The following KLHL29 variants were observed in gnomAD, a reference collection of about 807,000 sequenced individuals.
The protein encoded by KLHL29 is kelch like family member 29.
Under a neutral mutation model 80.4 loss-of-function variants are expected in KLHL29, and 21 were observed. The ratio of observed to expected loss-of-function variants is 0.26; its 90% CI spans 0.19 to 0.38. The LOEUF (loss-of-function observed/expected upper bound fraction) is 0.38. KLHL29 is among the 10% of genes least tolerant of loss of function. The probability of loss-of-function intolerance (pLI) is 1.00; values close to 1 mark genes in which losing one functional copy is unlikely to be tolerated. For missense variants in KLHL29, 867 were observed against 1,223.9 expected (o/e 0.71, Z 4.35); for synonymous variants, 511 against 526.8 (o/e 0.97, Z 0.41).
chr2:23,464,719 C>G (rs1428949367), intron 1 of KLHL29, among the ~76,000 whole-genome samples: 1 of 152,140 alleles, frequency 6.6e-6, no homozygotes, highest in Non-Finnish European at 1.5e-5. Flanking sequence ...GTGGAGGGTT[C>G]TTGGCAGCAC....
At chr2:23,489,683 A>G (rs1665039129) in intron 2 of KLHL29, among the ~76,000 whole-genome samples, 2 of 151,898 alleles carry the variant, frequency 1.3e-5, no homozygotes, top group Admixed American at 1.3e-4. Flanking sequence ...CCCTTCCTGC[A>G]GGGACGGCAC....
chr2:23,424,787 C>G (rs1662961554), intron 1 of KLHL29, among the ~76,000 whole-genome samples: 1 of 152,232 alleles, frequency 6.6e-6, no homozygotes, highest in African/African-American at 2.4e-5. Context: ...TTATAAATCT[C>G]TCTCCGAATC....
At chr2:23,402,432 C>T (rs1479305282) in intron 1 of KLHL29, among the ~76,000 whole-genome samples, 3 of 152,256 alleles carry the variant, frequency 2.0e-5, no homozygotes, top group African/African-American at 7.2e-5. Context: ...AGGACACTAA[C>T]CTAGTGTGTG....
chr2:23,419,872 T>C (rs551839080), intron 1 of KLHL29, among the ~76,000 whole-genome samples: 46 of 152,260 alleles, frequency 3.0e-4, no homozygotes, highest in African/African-American at 1.1e-3. Flanking sequence ...CAGTCATTAC[T>C]CCAGGATTAG....
rs1672279958 is a variant in KLHL29, at chr2:23,700,225, G to A, written c.2106-2961G>A. Among the ~76,000 whole-genome samples, 1 of 152,100 alleles carries A rather than the reference G, an allele frequency of 6.6e-6. No homozygotes were observed. Among genetic ancestry groups the A allele is most frequent in the South Asian group, 2.1e-4 (1 of 4,814 alleles). On this transcript the variant is annotated intron_variant, in intron 11 of 13. Transcript: ENST00000486442. This position sits in a 1 kb window ranked among gnomAD's most constrained non-coding sequence, Gnocchi z 4.6. ...ACATTCCCCTTAAAAATTAAAACAAGACCTGTTTTCTGCTGGCTCGTGAGA... is the reference window on the plus strand; with the variant it reads ...ACATTCCCCTTAAAAATTAAAACAAAACCTGTTTTCTGCTGGCTCGTGAGA...
chr2:23,593,619 G>A (rs1668322381), intron 3 of KLHL29, among the ~76,000 whole-genome samples: 1 of 152,156 alleles, frequency 6.6e-6, no homozygotes, highest in South Asian at 2.1e-4. Flanking sequence ...ATGGAAGGAC[G>A]TCAGACCCCT....
At chr2:23,429,888 T>C (rs551022127) in intron 1 of KLHL29, among the ~76,000 whole-genome samples, 1 of 152,332 alleles carries the variant, frequency 6.6e-6, no homozygotes, top group Non-Finnish European at 1.5e-5. Flanking sequence ...ACTTTAAATT[T>C]ATATTTTTTC....
intron 1 of KLHL29, among the ~76,000 whole-genome samples, chr2:23,455,257 CT>C (rs1664016009): frequency 6.6e-6 from 1 of 152,114 alleles, no homozygotes; most frequent in Admixed American, 6.5e-5. Flanking sequence ...TAGTAAAGCT[CT>C]GTAAAAAGGT....
intron 1 of KLHL29, among the ~76,000 whole-genome samples, chr2:23,426,258 T>C (rs1663002292): frequency 6.6e-6 from 1 of 152,222 alleles, no homozygotes. Flanking sequence ...CAGGAACATT[T>C]ATTTGTATCT....
chr2:23,662,886 G>A (rs563574976), intron 5 of KLHL29, among the ~76,000 whole-genome samples: 3 of 152,284 alleles, frequency 2.0e-5, no homozygotes, highest in South Asian at 2.1e-4. Flanking sequence ...GTTGAAAGCC[G>A]TAAATGCAAG....
At chr2:23,454,506 G>T (rs1572330976) in intron 1 of KLHL29, among the ~76,000 whole-genome samples, 1 of 152,140 alleles carries the variant, frequency 6.6e-6, no homozygotes, top group African/African-American at 2.4e-5. Flanking sequence ...TCTATAAATT[G>T]TATAGTCTTG....
At chr2:23,473,819 C>T (rs918139684) in intron 1 of KLHL29, among the ~76,000 whole-genome samples, 1 of 152,166 alleles carries the variant, frequency 6.6e-6, no homozygotes, top group African/African-American at 2.4e-5. Flanking sequence ...TCTGGCCTCA[C>T]CTCTTACTAG....
At chr2:23,594,782 A>G (rs902086754) in intron 3 of KLHL29, among the ~76,000 whole-genome samples, 9 of 152,234 alleles carry the variant, frequency 5.9e-5, no homozygotes, top group Admixed American at 5.9e-4. Context: ...ATTCTACATC[A>G]TCTTGGGCTG....
intron 1 of KLHL29, among the ~76,000 whole-genome samples, chr2:23,412,122 A>AGGGGGGGGGGGGGGGGG (rs33951812): frequency 8.4e-6 from 1 of 118,720 alleles, no homozygotes; most frequent in African/African-American, 3.3e-5. Context: ...GTGTGCGTGA[A>AGGGGGGGGGGGGGGGGG]GGGGGGGGGG....
rs902207400 is a variant in KLHL29, at chr2:23,457,157, G to C, written c.-153-18403G>C. 2.0e-5 allele frequency among the ~76,000 whole-genome samples: 3 copies of C among 152,230 alleles called. No individual in the cohort carries two copies. Among genetic ancestry groups the C allele is most frequent in the Admixed American group, 2.0e-4 (3 of 15,282 alleles). On this transcript the variant is annotated intron_variant, in intron 1 of 13. Coordinates refer to ENST00000486442, the MANE Select transcript of KLHL29 (RefSeq NM_052920.2). The surrounding 1 kb of genome is among the most constrained non-coding windows in gnomAD (Gnocchi z 4.3). Reference sequence around the variant, plus strand: ...GAGGCATCTGGTGACAGGAACAGGAGGAGGTTAAAGCAATCCGTGCCCTGA... The same window carrying C: ...GAGGCATCTGGTGACAGGAACAGGACGAGGTTAAAGCAATCCGTGCCCTGA...
In KLHL29 at chr2:23,680,575, C is replaced by T. The variant is rs1325448773; in HGVS notation, c.941-3824C>T. ...CACCTGGTAGGCTCAGCTGCCAGGA[C>T]TCCACTCGCCAGACCCCACCGAGCC... On this transcript the variant is annotated intron_variant, in intron 5 of 13. Coordinates refer to ENST00000486442, the MANE Select transcript of KLHL29 (RefSeq NM_052920.2). The surrounding 1 kb of genome is among the most constrained non-coding windows in gnomAD (Gnocchi z 4.1). Among the ~76,000 whole-genome samples, 1 of 152,152 alleles carries T rather than the reference C, an allele frequency of 6.6e-6. No individual in the cohort carries two copies. Among genetic ancestry groups the T allele is most frequent in the Admixed American group, 6.5e-5 (1 of 15,288 alleles).
rs980326921 is a variant in KLHL29, at chr2:23,696,196, G to A, written c.1924+63G>A. 66 of 1,511,480 alleles carry A rather than the reference G, an allele frequency of 4.4e-5. No individual in the cohort carries two copies. In the East Asian group the frequency reaches 6.9e-4, roughly 16 times the overall value. The allele number at this position is 1,511,480 out of a possible 1,614,324, so 93.6% of individuals were successfully genotyped here. ...GGGTCCCAAGGGGACTGCTCCCCAC[G>A]TCAGGGCTGAGGAAGGCCATGGCCC... On this transcript the variant is annotated intron_variant, in intron 10 of 13. Coordinates refer to ENST00000486442, the MANE Select transcript of KLHL29 (RefSeq NM_052920.2). The surrounding 1 kb of genome is among the most constrained non-coding windows in gnomAD (Gnocchi z 5.5).
chr2:23,579,327 GACTCT>G (rs1229416829), intron 3 of KLHL29, among the ~76,000 whole-genome samples: 1 of 152,184 alleles, frequency 6.6e-6, no homozygotes, highest in Non-Finnish European at 1.5e-5. Flanking sequence ...CGAAGCCTGT[GACTCT>G]AACTCCCAGT....
chr2:23,581,349 T>A (rs1325529276), intron 3 of KLHL29, among the ~76,000 whole-genome samples: 1 of 152,212 alleles, frequency 6.6e-6, no homozygotes, highest in Non-Finnish European at 1.5e-5. Context: ...CAAATACTCA[T>A]GCTTTGTTAA....
Sources: allele counts gnomAD v4.1 joint callset (sites outside exome capture counted in the v4.1 genomes callset), GRCh38; gene constraint gnomAD v4.1.1; non-coding constraint Gnocchi (gnomAD v3.1); transcripts MANE v1.5; gene names NCBI Gene and HGNC (gene_info 2026-07-23, HGNC 2026-07-21).